The following RORA variants were observed in gnomAD, a reference collection of about 807,000 sequenced individuals.
RORA encodes nuclear receptor ROR-alpha.
RORA carries 7 observed loss-of-function variants against 69.5 expected under a neutral mutation model. That is an observed-to-expected ratio of 0.10 (90% CI 0.06 to 0.19). The LOEUF (loss-of-function observed/expected upper bound fraction) is 0.19, where lower values mean the gene tolerates loss of function less well. RORA is among the 10% of genes least tolerant of loss of function. The pLI, the probability that RORA is intolerant of heterozygous loss-of-function variation, is 1.00. For synonymous variants in RORA, 261 were observed against 240.8 expected, an observed-to-expected ratio of 1.08 and a Z score of -0.78; for missense variants, 457 against 663.0, an observed-to-expected ratio of 0.69 and a Z score of 3.41.
intron 10 of RORA, 66 bp from the exon 11 acceptor site, chr15:60,497,685 C>A: frequency 7.9e-7 from 1 of 1,268,678 alleles, no homozygotes; most frequent in Non-Finnish European, 1.1e-6. Flanking sequence ...ATCAGGGAAC[C>A]TGAATGATCT....
At chr15:61,033,134 C>A (rs930009427) in intron 1 of RORA, among the ~76,000 whole-genome samples, 1 of 152,080 alleles carries the variant, frequency 6.6e-6, no homozygotes, top group Non-Finnish European at 1.5e-5. Context: ...TTGGCTATAC[C>A]CCAAGGAGTT....
chr15:61,193,263 T>C (rs1378399509), intron 1 of RORA, among the ~76,000 whole-genome samples: 1 of 152,198 alleles, frequency 6.6e-6, no homozygotes, highest in Non-Finnish European at 1.5e-5. Context: ...ATAATATATT[T>C]TTAGAATCTA....
intron 1 of RORA, among the ~76,000 whole-genome samples, chr15:60,909,070 T>G (rs907651660): frequency 2.0e-5 from 3 of 152,134 alleles, no homozygotes; most frequent in Admixed American, 6.5e-5. Flanking sequence ...TTGAAGCATG[T>G]CCTGGAAAGC....
chr15:60,740,485 C>A (rs954146591), intron 1 of RORA, among the ~76,000 whole-genome samples: 1 of 152,188 alleles, frequency 6.6e-6, no homozygotes, highest in Non-Finnish European at 1.5e-5. Context: ...AGGACAATGC[C>A]AGTGAGGCTG....
At chr15:60,563,325 G>A (rs1167099222) in intron 2 of RORA, among the ~76,000 whole-genome samples, 1 of 152,154 alleles carries the variant, frequency 6.6e-6, no homozygotes, top group Non-Finnish European at 1.5e-5. Context: ...TTTCCACATG[G>A]AATTCCTCTT....
At chr15:60,535,562 A>G (rs1199135595) in intron 2 of RORA, among the ~76,000 whole-genome samples, 1 of 152,198 alleles carries the variant, frequency 6.6e-6, no homozygotes, top group Non-Finnish European at 1.5e-5. Context: ...TTCTAGAAGA[A>G]GTTTGCTTTG....
intron 1 of RORA, among the ~76,000 whole-genome samples, chr15:61,172,072 A>G (rs2079590112): frequency 6.6e-6 from 1 of 152,186 alleles, no homozygotes; most frequent in African/African-American, 2.4e-5. Context: ...AGTGAGAAGC[A>G]TTTTATGAGA....
chr15:60,563,959 C>A (rs2067647607), intron 2 of RORA, among the ~76,000 whole-genome samples: 1 of 152,174 alleles, frequency 6.6e-6, no homozygotes, highest in African/African-American at 2.4e-5. Flanking sequence ...ATGCGGCTTT[C>A]ACTTTGCCCT....
chr15:60,489,128 C>T lies in RORA; in HGVS notation c.*8327G>A, dbSNP rs952808116. On this transcript the variant is annotated 3_prime_UTR_variant, in exon 11 of 11. Transcript: ENST00000335670. ...TTAAAAAAAAGGTTTCAATCTCTTT[C>T]CAAGAGAGGCAGTTAAGGAATGATG... 21 of 152,292 alleles carry T rather than the reference C, an allele frequency of 1.4e-4. No individual in the cohort carries two copies. Among genetic ancestry groups the T allele is most frequent in the African/African-American group, 5.1e-4 (21 of 41,560 alleles). 9.4% of individuals were successfully genotyped at this position (152,292 alleles called of 1,614,324 possible). A position where few individuals can be genotyped will look rare whatever the true frequency, so the allele number is the denominator to read the frequency against.
rs138156283 is a variant in RORA at position 60,762,532 on chromosome 15, A to G, written c.167-83846T>C. Among the ~76,000 whole-genome samples, 472 of 152,214 alleles carry G rather than the reference A, an allele frequency of 3.1e-3. 1 individual carries two copies. The highest frequency in any genetic ancestry group is 5.3e-3 in the Non-Finnish European group (358 of 68,002). ...GTGTGCCTTTAAAGAAGTGCATGAAACACACACAGTACACACACACACACC... is the reference window on the plus strand; with the variant it reads ...GTGTGCCTTTAAAGAAGTGCATGAAGCACACACAGTACACACACACACACC... On this transcript the variant is annotated intron_variant, in intron 1 of 10. Transcript: ENST00000335670.
chr15:60,624,528 G>GTA (rs1169077473), intron 2 of RORA, among the ~76,000 whole-genome samples: 4 of 87,786 alleles, frequency 4.6e-5, no homozygotes, highest in South Asian at 7.3e-4. Flanking sequence ...TATATATATA[G>GTA]TATATATATA....
At chr15:60,599,634 G>C (rs1043711843) in intron 2 of RORA, among the ~76,000 whole-genome samples, 7 of 152,142 alleles carry the variant, frequency 4.6e-5, no homozygotes, top group African/African-American at 1.7e-4. Context: ...CTAATAACGA[G>C]CATTTACCAG....
At chr15:60,597,054 C>T (rs1041386850) in intron 2 of RORA, among the ~76,000 whole-genome samples, 26 of 152,160 alleles carry the variant, frequency 1.7e-4, no homozygotes, top group African/African-American at 5.3e-4. Context: ...TTCCGTGAGT[C>T]GGTCCAAACA....
At chr15:60,857,017 G>A (rs11071562) in intron 1 of RORA, among the ~76,000 whole-genome samples, 135,469 of 152,252 alleles carry the variant, frequency 0.89, 60,870 homozygotes, top group East Asian at 1. Context: ...GAGCACAGAG[G>A]AAGCCATCGT....
intron 1 of RORA, among the ~76,000 whole-genome samples, chr15:61,150,153 C>T (rs983498014): frequency 6.6e-6 from 1 of 152,228 alleles, no homozygotes; most frequent in Non-Finnish European, 1.5e-5. Flanking sequence ...GTATCTTCAA[C>T]AGCCTGTGGT....
intron 1 of RORA, among the ~76,000 whole-genome samples, chr15:61,207,358 A>G (rs538898731): frequency 6.6e-6 from 1 of 152,350 alleles, no homozygotes; most frequent in African/African-American, 2.4e-5. Flanking sequence ...CTCAAAACAT[A>G]CTACAGATTA....
rs2070892685 is a variant in RORA, at chr15:60,695,669, TCA to T, written c.167-16985_167-16984del. Among the ~76,000 whole-genome samples the T allele has an allele frequency of 2.0e-5, 3 of 152,086 alleles. No individual in the cohort carries two copies. The South Asian group carries it at 6.2e-4, about 32-fold the overall frequency. ...GGACGAAGGTCAGACAGCTTTGATC[TCA>T]GACACCAGGCACTTTTCAGCCAGCG... is the stretch of plus-strand genomic sequence containing the variant. On this transcript the variant is annotated intron_variant, in intron 1 of 10. Coordinates refer to ENST00000335670, the MANE Select transcript of RORA (RefSeq NM_134261.3).
chr15:61,006,929 G>A lies in RORA; in HGVS notation c.166+222124C>T, dbSNP rs141547890. Among the ~76,000 whole-genome samples the A allele has an allele frequency of 7.9e-5, 12 of 152,162 alleles. No individual in the cohort carries two copies. In the East Asian group the frequency reaches 2.3e-3, roughly 29 times the overall value. ...TCCTTCCTAGAATTATATGGACATA[G>A]ATAATTCTAAGGAAATTAAATTCCA... On this transcript the variant is annotated intron_variant, in intron 1 of 10. Coordinates refer to ENST00000335670, the MANE Select transcript of RORA (RefSeq NM_134261.3).
chr15:60,524,586 T>G (rs2066284907), intron 3 of RORA, among the ~76,000 whole-genome samples: 1 of 152,112 alleles, frequency 6.6e-6, no homozygotes, highest in Non-Finnish European at 1.5e-5. Context: ...CCTTTAAGAG[T>G]CCTGTATTTA....
Sources: allele counts gnomAD v4.1 joint callset (sites outside exome capture counted in the v4.1 genomes callset), GRCh38; gene constraint gnomAD v4.1.1; transcripts MANE v1.5; gene names NCBI Gene and HGNC (gene_info 2026-07-23, HGNC 2026-07-21).